The following KANK1 variants were observed in gnomAD, a reference collection of about 807,000 sequenced individuals.
KANK1 encodes KN motif and ankyrin repeat domain-containing protein 1.
A neutral mutation model predicts 106.2 loss-of-function variants in KANK1; 109 were observed. The observed-to-expected ratio is 1.03, with a 90% CI of 0.88 to 1.20. KANK1 has a LOEUF of 1.20. Ranked by LOEUF, KANK1 falls within the 50% of genes most tolerant of loss-of-function variation. The pLI is 0.00. For missense variants in KANK1, 2,399 were observed against 1,710.7 expected (o/e 1.40, Z -7.10); for synonymous variants, 873 against 652.2 (o/e 1.34, Z -5.16).
chr9:551,379 T>C (rs780913096), intron 1 of KANK1, among the ~76,000 whole-genome samples: 1 of 152,102 alleles, frequency 6.6e-6, no homozygotes, highest in Non-Finnish European at 1.5e-5. Flanking sequence ...AAATTTTGAA[T>C]CTGAAGTTAG....
At position 745,277 on chromosome 9, in the gene KANK1, T is replaced by A; in HGVS notation, c.*42T>A. On this transcript the variant is annotated 3_prime_UTR_variant, in exon 12 of 12. Coordinates refer to ENST00000382297, the MANE Select transcript of KANK1 (RefSeq NM_015158.5). The stretch of plus-strand genomic sequence containing the variant: ...CTTTATTTACATGCCACTATTAAGC[T>A]GCTAATTGTTCCTGTTGGGGTGACA... The A allele has an allele frequency of 1.2e-6, 2 of 1,611,812 alleles. No homozygotes were observed. The highest frequency in any genetic ancestry group is 1.7e-6 in the Non-Finnish European group (2 of 1,178,036).
At chr9:586,433 T>C (rs1823486117) in intron 1 of KANK1, among the ~76,000 whole-genome samples, 1 of 152,168 alleles carries the variant, frequency 6.6e-6, no homozygotes, top group South Asian at 2.1e-4. Flanking sequence ...GAAGTTGGGT[T>C]CAGCAGTGTG....
Position 740,885 on chromosome 9 carries a change from T to C in KANK1, c.3647T>C (p.Ile1216Thr), listed in dbSNP as rs116440714. Residue 1216 changes from isoleucine to threonine, a missense_variant, in exon 9 of 12, where the codon ATT (isoleucine) becomes ACT (threonine). By Grantham distance (89) the Ile-to-Thr change is moderately conservative. Coordinates refer to ENST00000382297, the MANE Select transcript of KANK1 (RefSeq NM_015158.5). ...AAVEAEKDMR[I>T]VEELFGCGDV... ...GTGGAAGCAGAGAAGGACATGCGGA[T>C]TGTGGAAGAACTCTTCGGCTGTGGG... is the stretch of plus-strand genomic sequence containing the variant. The C allele has an allele frequency of 6.6e-4, 1,072 of 1,614,144 alleles. 3 individuals are homozygous for C. The African/African-American group carries it at 0.012, about 18-fold the overall frequency.
chr9:719,257 G>A (rs978431215), intron 3 of KANK1, among the ~76,000 whole-genome samples: 9 of 152,230 alleles, frequency 5.9e-5, no homozygotes, highest in South Asian at 2.1e-4. Flanking sequence ...GTGAGCCAGC[G>A]CGCCCGGCCT....
chr9:594,205 A>C (rs1437644752), intron 1 of KANK1, among the ~76,000 whole-genome samples: 2 of 151,890 alleles, frequency 1.3e-5, no homozygotes, highest in African/African-American at 2.4e-5. Context: ...CAATAGGCTT[A>C]TCTCCTTGTT....
chr9:477,469 T>C (rs373615255), intron 3 of KANK1, among the ~76,000 whole-genome samples: 1 of 152,192 alleles, frequency 6.6e-6, no homozygotes, highest in Admixed American at 6.5e-5. Flanking sequence ...TCTAAAGCTA[T>C]TGGTAGAGAG....
At chr9:541,858 G>A (rs1013045117) in intron 1 of KANK1, among the ~76,000 whole-genome samples, 12 of 152,128 alleles carry the variant, frequency 7.9e-5, no homozygotes, top group African/African-American at 2.9e-4. Flanking sequence ...GGGAGGTCGA[G>A]GCGGGCGGAT....
intron 1 of KANK1, among the ~76,000 whole-genome samples, chr9:507,748 G>T (rs2058830852): frequency 6.6e-6 from 1 of 152,118 alleles, no homozygotes; most frequent in African/African-American, 2.4e-5. Context: ...AGTAGAGACA[G>T]GGTTTCACTA....
intron 2 of KANK1, among the ~76,000 whole-genome samples, chr9:687,610 C>T (rs1272397373): frequency 6.6e-6 from 1 of 152,076 alleles, no homozygotes; most frequent in African/African-American, 2.4e-5. Flanking sequence ...CCACCCTGCC[C>T]TGTTCCCCAG....
chr9:744,638 C>A (rs1836718023), intron 11 of KANK1, 49 bp downstream of exon 11: 1 of 1,613,912 alleles, frequency 6.2e-7, no homozygotes, highest in Non-Finnish European at 8.5e-7. Context: ...ATCCACCAGA[C>A]TGGTGGACCC....
intron 3 of KANK1, among the ~76,000 whole-genome samples, chr9:727,680 ATGTGTGTGTGTGTGTGTG>A (rs55997819): frequency 7.9e-5 from 11 of 139,766 alleles, no homozygotes; most frequent in Admixed American, 2.1e-4. Context: ...ATAACTTTTC[ATGTGTGTGTGTGTGTGTG>A]TGTGTGTGTG....
chr9:504,370 A>ACGAAGGTGCC (rs1246798356), upstream of KANK1, among the ~76,000 whole-genome samples: 1 of 151,636 alleles, frequency 6.6e-6, no homozygotes, highest in Non-Finnish European at 1.5e-5. Flanking sequence ...ACGAAGGTGC[A>ACGAAGGTGCC]CGAAGGTGCC....
chr9:535,188 G>C (rs2060241082), intron 1 of KANK1, among the ~76,000 whole-genome samples: 1 of 152,072 alleles, frequency 6.6e-6, no homozygotes, highest in African/African-American at 2.4e-5. Context: ...TGTTGCCTAG[G>C]GCAGTTTTCC....
intron 3 of KANK1, among the ~76,000 whole-genome samples, chr9:481,956 A>G (rs1210138419): frequency 6.6e-6 from 1 of 152,194 alleles, no homozygotes; most frequent in Admixed American, 6.5e-5. Context: ...GAGGAGGGTC[A>G]TGCTTGGATC....
At chr9:613,264 C>T (rs1334544019) in intron 1 of KANK1, among the ~76,000 whole-genome samples, 1 of 150,704 alleles carries the variant, frequency 6.6e-6, no homozygotes, top group Non-Finnish European at 1.5e-5. Flanking sequence ...CAAGTAGTCA[C>T]CATATAGGGA....
chr9:690,322 A>C (rs917035643), intron 2 of KANK1, among the ~76,000 whole-genome samples: 4 of 151,504 alleles, frequency 2.6e-5, no homozygotes. Flanking sequence ...AAGAAAAAAA[A>C]AAAAAAGGCT....
intron 1 of KANK1, among the ~76,000 whole-genome samples, chr9:508,960 G>C (rs929246182): frequency 1.1e-4 from 17 of 152,198 alleles, no homozygotes; most frequent in Admixed American, 2.6e-4. Flanking sequence ...ATTCAGTTTA[G>C]AGGTACAGTC....
intron 2 of KANK1, chr9:686,798 G>A: frequency 1.0e-6 from 1 of 985,408 alleles, no homozygotes. Context: ...TGCTGGAGCT[G>A]AGTGTTCTCT....
chr9:714,632 A>G (rs145999150), intron 3 of KANK1, among the ~76,000 whole-genome samples: 1 of 152,252 alleles, frequency 6.6e-6, no homozygotes, highest in African/African-American at 2.4e-5. Flanking sequence ...TGCTGGGATT[A>G]CAGACATGAG....
Sources: gnomAD v4.1 joint callset for allele counts (sites outside exome capture counted in the v4.1 genomes callset) on GRCh38, gnomAD v4.1.1 for gene constraint, MANE v1.5 for transcripts, NCBI Gene and HGNC (gene_info 2026-07-23, HGNC 2026-07-21) for gene names.